Variants in DLG2 observed in about 807,000 individuals in gnomAD.
DLG2 encodes the protein disks large homolog 2.
A neutral mutation model predicts 132.5 loss-of-function variants in DLG2; 45 were observed. That is an observed-to-expected ratio of 0.34 (90% CI 0.27 to 0.44). DLG2 has a LOEUF of 0.44. Among genes scored for constraint, DLG2 ranks in the 20% least tolerant of loss-of-function variants. DLG2 has a pLI of 1.00. For synonymous variants in DLG2, 424 were observed against 419.6 expected (o/e 1.01, Z -0.13); for missense variants, 1,045 against 1,196.9 (o/e 0.87, Z 1.87).
intron 6 of DLG2, among the ~76,000 whole-genome samples, chr11:84,889,619 A>G (rs1207343259): frequency 2.0e-5 from 3 of 152,190 alleles, no homozygotes; most frequent in South Asian, 4.1e-4. Context: ...GCTATCTGCT[A>G]AGCCCTGTGC....
intron 10 of DLG2, among the ~76,000 whole-genome samples, chr11:84,060,535 CTCTT>C (rs1304605021): frequency 6.7e-5 from 3 of 44,518 alleles, no homozygotes; most frequent in Non-Finnish European, 2.5e-4. Flanking sequence ...TCAAACTTTC[CTCTT>C]TTTTTTTTTT....
At chr11:84,499,637 C>T (rs2099196620) in intron 7 of DLG2, among the ~76,000 whole-genome samples, 1 of 152,146 alleles carries the variant, frequency 6.6e-6, no homozygotes, top group Non-Finnish European at 1.5e-5. Context: ...AAAGTCTTAG[C>T]TTGACACTAA....
chr11:83,797,246 G>C (rs2043058637), intron 17 of DLG2, among the ~76,000 whole-genome samples: 1 of 151,644 alleles, frequency 6.6e-6, no homozygotes, highest in South Asian at 2.1e-4. Flanking sequence ...AGAAGAAGAA[G>C]ATGATGATGA....
At chr11:85,590,863 A>G (rs954201756) in intron 3 of DLG2, among the ~76,000 whole-genome samples, 3 of 152,076 alleles carry the variant, frequency 2.0e-5, no homozygotes, top group Admixed American at 2.0e-4. Flanking sequence ...ATCCTTTCAC[A>G]CTCCCAACAA....
intron 6 of DLG2, among the ~76,000 whole-genome samples, chr11:84,924,376 G>A (rs1437481581): frequency 6.6e-6 from 1 of 152,182 alleles, no homozygotes; most frequent in East Asian, 1.9e-4. Context: ...CTCCCCATCA[G>A]CTTCCAGCAA....
At chr11:85,350,672 T>C (rs1032070088) in intron 3 of DLG2, among the ~76,000 whole-genome samples, 3 of 152,216 alleles carry the variant, frequency 2.0e-5, no homozygotes, top group Admixed American at 2.0e-4. Context: ...GGCAATCCTT[T>C]CCCCACTTCT....
At chr11:84,198,163 A>G (rs56831608) in intron 8 of DLG2, among the ~76,000 whole-genome samples, 15,510 of 152,048 alleles carry the variant, frequency 0.1, 1,241 homozygotes, top group African/African-American at 0.22. Context: ...AGTAAATACC[A>G]TTACCCCCAT....
chr11:85,551,348 A>G (rs968214141), intron 3 of DLG2, among the ~76,000 whole-genome samples: 2 of 152,182 alleles, frequency 1.3e-5, no homozygotes, highest in African/African-American at 4.8e-5. Flanking sequence ...ACTGAGTTCA[A>G]AGTAGGTGCC....
intron 3 of DLG2, among the ~76,000 whole-genome samples, chr11:85,458,346 G>A (rs1358909932): frequency 6.6e-6 from 1 of 151,846 alleles, no homozygotes; most frequent in Non-Finnish European, 1.5e-5. Context: ...TTTTTTTAAT[G>A]ATCCTTAGCT....
intron 3 of DLG2, among the ~76,000 whole-genome samples, chr11:85,387,920 C>A (rs1438060752): frequency 6.6e-6 from 1 of 152,164 alleles, no homozygotes; most frequent in Non-Finnish European, 1.5e-5. Context: ...ACCACAGGTA[C>A]AACCAGGAAA....
chr11:83,856,487 A>G (rs558520972), intron 16 of DLG2, among the ~76,000 whole-genome samples: 1 of 152,302 alleles, frequency 6.6e-6, no homozygotes, highest in African/African-American at 2.4e-5. Context: ...CAACCTTGCC[A>G]ACATCTGTTG....
intron 3 of DLG2, among the ~76,000 whole-genome samples, chr11:85,305,776 G>C (rs1445669699): frequency 6.6e-6 from 1 of 152,202 alleles, no homozygotes; most frequent in Non-Finnish European, 1.5e-5. Flanking sequence ...GCTTCCCAAA[G>C]TGCTGGGATT....
intron 21 of DLG2, among the ~76,000 whole-genome samples, chr11:83,510,400 A>G (rs894456276): frequency 6.6e-6 from 1 of 152,104 alleles, no homozygotes; most frequent in African/African-American, 2.4e-5. Flanking sequence ...GGGCAAACCA[A>G]CAAATCAAGT....
chr11:85,152,808 C>G (rs1343148105), intron 5 of DLG2, among the ~76,000 whole-genome samples: 1 of 152,176 alleles, frequency 6.6e-6, no homozygotes, highest in Non-Finnish European at 1.5e-5. Context: ...TACCTTGTTA[C>G]CTCTCTGTTC....
intron 6 of DLG2, among the ~76,000 whole-genome samples, chr11:84,695,361 C>A (rs1402040596): frequency 6.6e-6 from 1 of 151,530 alleles, no homozygotes; most frequent in Non-Finnish European, 1.5e-5. Flanking sequence ...TATGTAACAG[C>A]AAACACAACA....
chr11:85,604,160 G>C (rs1317238178), intron 2 of DLG2, among the ~76,000 whole-genome samples: 2 of 152,070 alleles, frequency 1.3e-5, no homozygotes, highest in Non-Finnish European at 2.9e-5. Context: ...CATCGCTGTA[G>C]GATAAAAATT....
chr11:85,305,867 C>T (rs182094017), intron 3 of DLG2, among the ~76,000 whole-genome samples: 11 of 152,264 alleles, frequency 7.2e-5, no homozygotes, highest in Admixed American at 5.9e-4. Context: ...TGTAATGTCA[C>T]AGAAAATGTG....
chr11:84,545,067 G>T, intron 6 of DLG2: 2 of 453,766 alleles, frequency 4.4e-6, no homozygotes, highest in Non-Finnish European at 8.8e-6. Context: ...TCACAAATCT[G>T]TTGTAACCTG....
intron 18 of DLG2, among the ~76,000 whole-genome samples, chr11:83,745,511 C>T (rs2092837144): frequency 6.6e-6 from 1 of 152,058 alleles, no homozygotes. Context: ...TCAAGTCTTT[C>T]CTTTCTTAAA....
Sources: gnomAD v4.1 joint callset for allele counts (sites outside exome capture counted in the v4.1 genomes callset) on GRCh38, gnomAD v4.1.1 for gene constraint, MANE v1.5 for transcripts, NCBI Gene and HGNC (gene_info 2026-07-23, HGNC 2026-07-21) for gene names.